REPS2: variants seen among roughly 807,000 people sequenced by gnomAD.
The protein encoded by REPS2 is ralBP1-associated Eps domain-containing protein 2.
Under a neutral mutation model 53.6 loss-of-function variants are expected in REPS2, and 23 were observed. The observed-to-expected ratio is 0.43, with a 90% CI of 0.31 to 0.61. REPS2 has a LOEUF of 0.61. Among genes scored for constraint, REPS2 ranks in the 20% least tolerant of loss-of-function variants. The pLI is 0.11. For missense variants in REPS2, 446 were observed against 534.9 expected (o/e 0.83, Z 1.64); for synonymous variants, 238 against 218.6 (o/e 1.09, Z -0.78).
chrX:17,116,399 TG>T (rs2063056784), intron 14 of REPS2, among the ~76,000 whole-genome samples: 1 of 109,976 alleles, frequency 9.1e-6, no homozygotes, highest in African/African-American at 3.3e-5. Context: ...TTTGTAGAGA[TG>T]GGGTTTTTTC....
At chrX:17,142,058 A>G (rs919075138) in intron 17 of REPS2, among the ~76,000 whole-genome samples, 1 of 112,252 alleles carries the variant, frequency 8.9e-6, no homozygotes, top group Non-Finnish European at 1.9e-5. Context: ...GAGTCCTGAA[A>G]TAGACCACAT....
chrX:17,129,416 C>T (rs1448775732), intron 14 of REPS2, among the ~76,000 whole-genome samples: 3 of 111,669 alleles, frequency 2.7e-5, no homozygotes, highest in Non-Finnish European at 5.6e-5. Context: ...ATGTCTGGCT[C>T]TGTCAAGGCT....
rs183505832 is a variant in REPS2, at chrX:16,963,730, G to C, written c.273+16596G>C. 3.6e-5 allele frequency among the ~76,000 whole-genome samples: 4 copies of C among 111,461 alleles called. No homozygotes were observed. In the East Asian group the frequency reaches 8.4e-4, roughly 23 times the overall value. On this transcript the variant is annotated intron_variant, in intron 1 of 17. Coordinates refer to ENST00000357277, the MANE Select transcript of REPS2 (RefSeq NM_004726.3). ...GGGTGTGCAGCACAAGGTTGCGCTG[G>C]GGGGGCCAGTAGGGATAATTTTCCC...
At chrX:17,158,579 G>GA in the REPS2 span, among the ~76,000 whole-genome samples, 1 of 111,746 alleles carries the variant, frequency 8.9e-6, no homozygotes, top group Non-Finnish European at 1.9e-5. Context: ...ACTAACTTTA[G>GA]AAAAAAAATT....
At chrX:17,115,604 G>A (rs1230357556) in intron 14 of REPS2, among the ~76,000 whole-genome samples, 1 of 111,803 alleles carries the variant, frequency 8.9e-6, no homozygotes, top group East Asian at 2.8e-4. Context: ...CTTCCCACGA[G>A]GCCATATTTC....
At chrX:16,969,899 C>T (rs2147688890) in intron 1 of REPS2, among the ~76,000 whole-genome samples, 1 of 111,915 alleles carries the variant, frequency 8.9e-6, no homozygotes, top group South Asian at 3.7e-4. Flanking sequence ...GCTTCCTTTG[C>T]TAGATCAGGA....
intron 1 of REPS2, among the ~76,000 whole-genome samples, chrX:16,996,135 C>T (rs2061232010): frequency 9.0e-6 from 1 of 111,140 alleles, no homozygotes; most frequent in African/African-American, 3.3e-5. Flanking sequence ...GGATGAGGTG[C>T]AGGACAAAGA....
intron 13 of REPS2, among the ~76,000 whole-genome samples, chrX:17,096,709 G>T (rs2062709411): frequency 9.8e-6 from 1 of 102,155 alleles, no homozygotes; most frequent in Admixed American, 1.0e-4. Flanking sequence ...GAAAATGAAT[G>T]GCCAAGAAAT....
the REPS2 span, among the ~76,000 whole-genome samples, chrX:17,163,713 T>C: frequency 1.0e-3 from 114 of 112,009 alleles, no homozygotes; most frequent in Non-Finnish European, 1.7e-3. Context: ...AACCAAGAAT[T>C]TGATATTCAG....
At chrX:17,039,546 G>A (rs2061805896) in intron 5 of REPS2, among the ~76,000 whole-genome samples, 1 of 112,208 alleles carries the variant, frequency 8.9e-6, no homozygotes, top group Admixed American at 9.4e-5. Flanking sequence ...GTGTAATACA[G>A]CATAGTCATA....
At chrX:17,195,090 A>T in the REPS2 span, among the ~76,000 whole-genome samples, 1 of 112,152 alleles carries the variant, frequency 8.9e-6, no homozygotes, top group Non-Finnish European at 1.9e-5. Flanking sequence ...GGGAGGGAGA[A>T]ATTGCAAGCT....
At chrX:17,062,572 G>A in intron 9 of REPS2, 40 bp downstream of exon 9, 1 of 994,197 alleles carries the variant, frequency 1.0e-6, no homozygotes, top group Non-Finnish European at 1.4e-6. Context: ...GGATGTGTAT[G>A]GAGCTAAATC....
chrX:16,958,358 TC>T (rs1460443696), intron 1 of REPS2, among the ~76,000 whole-genome samples: 44 of 111,566 alleles, frequency 3.9e-4, no homozygotes, highest in African/African-American at 1.3e-3. Flanking sequence ...CAGTCTAGGA[TC>T]AAGGATAACT....
the REPS2 span, among the ~76,000 whole-genome samples, chrX:17,175,384 G>A: frequency 8.9e-5 from 10 of 112,752 alleles, no homozygotes; most frequent in Admixed American, 1.9e-4. Context: ...AAGCTGAGCC[G>A]TAGAGAGGAA....
the REPS2 span, among the ~76,000 whole-genome samples, chrX:17,191,573 G>A: frequency 2.7e-5 from 3 of 112,228 alleles, no homozygotes; most frequent in African/African-American, 9.7e-5. Context: ...CCACTTATAA[G>A]TATTTGCCTG....
chrX:17,027,854 G>A (rs1257309774), intron 4 of REPS2, among the ~76,000 whole-genome samples: 1 of 110,293 alleles, frequency 9.1e-6, no homozygotes, highest in African/African-American at 3.3e-5. Flanking sequence ...TCCAATTAAG[G>A]AAGGAGCCAG....
chrX:17,017,135 C>A (rs1021250721), intron 2 of REPS2, among the ~76,000 whole-genome samples: 1 of 111,325 alleles, frequency 9.0e-6, no homozygotes, highest in South Asian at 3.8e-4. Context: ...CCATGCCTGG[C>A]TAATTTTTGT....
chrX:16,986,482 T>A (rs185118674), intron 1 of REPS2, among the ~76,000 whole-genome samples: 1 of 112,186 alleles, frequency 8.9e-6, no homozygotes, highest in African/African-American at 3.2e-5. Flanking sequence ...AGACAAGATA[T>A]CCATGAGTTC....
rs1485434192 is a variant in REPS2 at position 17,150,533 on chromosome X, G to A, written c.*3052G>A. 8.8e-6 allele frequency: 1 copy of A among 113,062 alleles called. No individual in the cohort carries two copies. Among genetic ancestry groups the A allele is most frequent in the Non-Finnish European group, 1.9e-5 (1 of 53,440 alleles). 9.3% of individuals were successfully genotyped at this position (113,062 alleles called of 1,213,427 possible). On this transcript the variant is annotated 3_prime_UTR_variant, in exon 18 of 18. Transcript: ENST00000357277. ...GTAGATATCTGGAATGAATGTATAT[G>A]TTGTAATTGAGGCAGATATTTGCCT...
Sources: allele counts gnomAD v4.1 joint callset (sites outside exome capture counted in the v4.1 genomes callset), GRCh38; gene constraint gnomAD v4.1.1; transcripts MANE v1.5; gene names NCBI Gene and HGNC (gene_info 2026-07-23, HGNC 2026-07-21).